YIPF4: variants seen among roughly 807,000 people sequenced by gnomAD.
YIPF4 encodes protein YIPF4.
A neutral mutation model predicts 29.4 loss-of-function variants in YIPF4; 18 were observed. The ratio of observed to expected loss-of-function variants is 0.61; its 90% CI spans 0.42 to 0.91. YIPF4 has a LOEUF of 0.91. Among genes scored for constraint, YIPF4 ranks in the 40% least tolerant of loss-of-function variants. YIPF4 has a pLI of 0.00. For synonymous variants in YIPF4, 115 were observed against 104.7 expected (o/e 1.10, Z -0.60); for missense variants, 279 against 282.7 (o/e 0.99, Z 0.09).
In YIPF4 at chr2:32,278,025, G is replaced by C; in HGVS notation, c.-131G>C. 2.7e-6 allele frequency: 2 copies of C among 747,282 alleles called. No homozygotes were observed. The highest frequency in any genetic ancestry group is 4.2e-6 in the Non-Finnish European group (2 of 480,356). 46.3% of individuals were successfully genotyped at this position (747,282 alleles called of 1,614,324 possible). A position where few individuals can be genotyped will look rare whatever the true frequency, so the allele number is the denominator to read the frequency against. The stretch of plus-strand genomic sequence containing the variant: ...GCCCGCTGTGCCCGTTTCTGGCCTC[G>C]CTCGCAGCTTGCACGTCGAGACTCG... On this transcript the variant is annotated 5_prime_UTR_variant, in exon 1 of 6. Transcript: ENST00000238831.
In YIPF4 at chr2:32,315,391, G is replaced by C. The variant is rs568585898; in HGVS notation, c.*9765G>C. On this transcript the variant is annotated 3_prime_UTR_variant, in exon 6 of 6. Coordinates refer to ENST00000238831, the MANE Select transcript of YIPF4 (RefSeq NM_032312.4). ...CCTGAGTGAAGTCAGGGATCTGTTA[G>C]GAAGAATGGATGCTAGGTAGGTAAA... The C allele has an allele frequency of 6.6e-6, 1 of 152,366 alleles. No individual in the cohort carries two copies. The highest frequency in any genetic ancestry group is 2.1e-4 in the South Asian group (1 of 4,820). The allele number at this position is 152,366 out of a possible 1,614,324, so 9.4% of individuals were successfully genotyped here.
chr2:32,278,161 G>T lies in YIPF4; in HGVS notation c.6G>T (p.Gln2His). M[Q>H]PPGPPPAYAP... ...CGGTTGGGAGTCGCCGCGAGATGCA[G>T]CCTCCGGGCCCGCCCCCGGCCTATG... The change falls in exon 1 of 6, where the codon CAG becomes CAT. Residue 2 changes from glutamine to histidine, a missense_variant. Gln to His is a conservative substitution (Grantham distance 24, BLOSUM62 0). Transcript: ENST00000238831. 1 of 1,562,034 alleles carries T rather than the reference G, an allele frequency of 6.4e-7. No individual in the cohort carries two copies. The highest frequency in any genetic ancestry group is 8.7e-7 in the Non-Finnish European group (1 of 1,154,618).
intron 3 of YIPF4, 84 bp from the exon 4 acceptor site, chr2:32,298,150 C>A: frequency 9.2e-7 from 1 of 1,087,712 alleles, no homozygotes; most frequent in South Asian, 1.3e-5. Flanking sequence ...GCTAAACTGT[C>A]ATTTATGGCA....
chr2:32,282,044 C>CAA (rs2030440844), intron 1 of YIPF4, among the ~76,000 whole-genome samples: 1 of 146,110 alleles, frequency 6.8e-6, no homozygotes, highest in African/African-American at 2.5e-5. Flanking sequence ...GCCTAGGCAA[C>CAA]AAAGCAAGAC....
intron 1 of YIPF4, among the ~76,000 whole-genome samples, chr2:32,282,674 C>T (rs2030478516): frequency 6.6e-6 from 1 of 152,028 alleles, no homozygotes; most frequent in Admixed American, 6.6e-5. Flanking sequence ...CCTCGTGATC[C>T]ACCCGCCTCA....
At chr2:32,283,721 C>CT (rs59948957) in intron 1 of YIPF4, among the ~76,000 whole-genome samples, 54,632 of 145,296 alleles carry the variant, frequency 0.38, 10,483 homozygotes, top group Non-Finnish European at 0.44. Context: ...TATCTCATGT[C>CT]TTTTTTTTTT....
At position 32,298,322 on chromosome 2, in the gene YIPF4, T is replaced by G; in HGVS notation, c.483+11T>G. 1 of 1,585,034 alleles carries G rather than the reference T, an allele frequency of 6.3e-7. No homozygotes were observed. Among genetic ancestry groups the G allele is most frequent in the Non-Finnish European group, 8.7e-7 (1 of 1,156,068 alleles). ...GTTCTTGGTGGAGAAGTAAGTAGTT[T>G]ATTTTGAAAATAATCTTCCTTATTT... On this transcript the variant is annotated intron_variant, in intron 4 of 5. Coordinates refer to ENST00000238831, the MANE Select transcript of YIPF4 (RefSeq NM_032312.4).
At chr2:32,295,707 G>A (rs1005444917) in intron 3 of YIPF4, among the ~76,000 whole-genome samples, 76 of 152,264 alleles carry the variant, frequency 5.0e-4, no homozygotes, top group African/African-American at 1.7e-3. Flanking sequence ...GGGTTCAAGT[G>A]ATTCTTCTGC....
intron 3 of YIPF4, among the ~76,000 whole-genome samples, chr2:32,292,830 C>T (rs1233765994): frequency 7.0e-6 from 1 of 142,362 alleles, no homozygotes; most frequent in African/African-American, 2.6e-5. Context: ...CGCCACTGCA[C>T]TCCAGCCTGG....
chr2:32,316,197 TTAA>T lies in YIPF4; in HGVS notation c.*10575_*10577del, dbSNP rs2031829530. The T allele has an allele frequency of 6.6e-6, 1 of 152,154 alleles. No homozygotes were observed. The highest frequency in any genetic ancestry group is 1.5e-5 in the Non-Finnish European group (1 of 68,028). The allele number at this position is 152,154 out of a possible 1,614,324, so 9.4% of individuals were successfully genotyped here. ...TTATGTAGACAAAGGACTAATTTTC[TTAA>T]TAAAAACATTTATCAGTAAATTTAA... On this transcript the variant is annotated 3_prime_UTR_variant, in exon 6 of 6. Transcript: ENST00000238831.
intron 3 of YIPF4, among the ~76,000 whole-genome samples, chr2:32,294,014 G>T (rs538317925): frequency 6.8e-6 from 1 of 146,784 alleles, no homozygotes; most frequent in East Asian, 2.1e-4. Context: ...CCTCCCTCCC[G>T]GACAGGGCGG....
chr2:32,293,669 G>A (rs1433892154), intron 3 of YIPF4, among the ~76,000 whole-genome samples: 4 of 152,226 alleles, frequency 2.6e-5, no homozygotes, highest in East Asian at 1.9e-4. Context: ...AGGGGAGGCC[G>A]GGCAGAGGCA....
At chr2:32,286,897 T>A (rs2030699909) in intron 1 of YIPF4, among the ~76,000 whole-genome samples, 1 of 152,206 alleles carries the variant, frequency 6.6e-6, no homozygotes, top group Non-Finnish European at 1.5e-5. Context: ...GTTACAAGAT[T>A]ATGCACATGC....
chr2:32,306,534 T>G lies in YIPF4; in HGVS notation c.*908T>G. 1 of 984,998 alleles carries G rather than the reference T, an allele frequency of 1.0e-6. No individual in the cohort carries two copies. The highest frequency in any genetic ancestry group is 1.2e-6 in the Non-Finnish European group (1 of 829,576). 61.0% of individuals were successfully genotyped at this position (984,998 alleles called of 1,614,324 possible). ...TAAAATCTTGTGGTGTTGAACAATG[T>G]TATATGAAGTAGAAAAAATAAAATA... On this transcript the variant is annotated 3_prime_UTR_variant, in exon 6 of 6. Coordinates refer to ENST00000238831, the MANE Select transcript of YIPF4 (RefSeq NM_032312.4).
chr2:32,287,130 A>G (rs973252305), intron 1 of YIPF4, among the ~76,000 whole-genome samples: 1 of 152,114 alleles, frequency 6.6e-6, no homozygotes, highest in Admixed American at 6.5e-5. Context: ...CTGTAATCCC[A>G]GCTACTCGAG....
intron 4 of YIPF4, among the ~76,000 whole-genome samples, chr2:32,299,382 A>G (rs1465391291): frequency 6.6e-6 from 1 of 152,274 alleles, no homozygotes; most frequent in Non-Finnish European, 1.5e-5. Flanking sequence ...ATTCTAATAC[A>G]TGCTTTTTCC....
At chr2:32,303,346 T>C (rs2031469663) in intron 5 of YIPF4, among the ~76,000 whole-genome samples, 1 of 151,730 alleles carries the variant, frequency 6.6e-6, no homozygotes, top group Non-Finnish European at 1.5e-5. Flanking sequence ...GGTGACAGAG[T>C]GAGACCCTGT....
chr2:32,293,869 G>A (rs1573534626), intron 3 of YIPF4, among the ~76,000 whole-genome samples: 1 of 142,956 alleles, frequency 7.0e-6, no homozygotes. Flanking sequence ...CCTCCCGGAC[G>A]GGGCGGCTGG....
Position 32,305,611 on chromosome 2 carries a change from A to G in YIPF4, c.720A>G (p.Leu240=), listed in dbSNP as rs769293610. ...TATTATACATTTATTTTTTGTCGTTATATACTGGTGTGTGATCCAAGTTAT... is the reference window on the plus strand; with the variant it reads ...TATTATACATTTATTTTTTGTCGTTGTATACTGGTGTGTGATCCAAGTTAT... ...IFLLYIYFLS[L]YTGV Residue 240 remains leucine (L), a synonymous_variant, in exon 6 of 6, where the codon TTA becomes TTG. Transcript: ENST00000238831. The G allele has an allele frequency of 2.5e-6, 4 of 1,604,842 alleles. No homozygotes were observed. Among genetic ancestry groups the G allele is most frequent in the Non-Finnish European group, 2.5e-6 (3 of 1,176,592 alleles).
Sources: allele counts gnomAD v4.1 joint callset (sites outside exome capture counted in the v4.1 genomes callset), GRCh38; gene constraint gnomAD v4.1.1; transcripts MANE v1.5; gene names NCBI Gene and HGNC (gene_info 2026-07-23, HGNC 2026-07-21).